KCNQ2: variants seen among roughly 807,000 people sequenced by gnomAD.
KCNQ2 encodes potassium voltage-gated channel subfamily KQT member 2.
In KCNQ2, 14 loss-of-function variants were observed where a neutral mutation model predicts 84.8. The observed-to-expected ratio is 0.17, with a 90% CI of 0.11 to 0.26. The LOEUF is 0.26. Among genes scored for constraint, KCNQ2 ranks in the 10% least tolerant of loss-of-function variants. The pLI is 1.00. For synonymous variants in KCNQ2, 599 were observed against 554.1 expected, an observed-to-expected ratio of 1.08 and a Z score of -1.14; for missense variants, 788 against 1,254.0, an observed-to-expected ratio of 0.63 and a Z score of 5.61.
chr20:63,449,347 T>A (rs559941211), intron 1 of KCNQ2: 16 of 152,420 alleles, frequency 1.0e-4, no homozygotes, highest in African/African-American at 3.8e-4. Context: ...GTGTCCCTGC[T>A]GCGAGCCCAC....
rs964108132 is a variant in KCNQ2, at chr20:63,425,712, T to C, written c.1218-1506A>G. Among the ~76,000 whole-genome samples the C allele has an allele frequency of 8.6e-5, 13 of 151,754 alleles. 1 individual carries two copies. Among genetic ancestry groups the C allele is most frequent in the African/African-American group, 3.1e-4 (13 of 41,332 alleles). On this transcript the variant is annotated intron_variant, in intron 10 of 16. Coordinates refer to ENST00000359125, the MANE Select transcript of KCNQ2 (RefSeq NM_172107.4). This position sits in a 1 kb window ranked among gnomAD's most constrained non-coding sequence, Gnocchi z 5.5. ...TCCAGCCTGAGTGACGCAGGGAGAC[T>C]CCGTCTCAGAGAAAAAAAAAAGAAA... is the stretch of plus-strand genomic sequence containing the variant.
At chr20:63,418,006 G>T (rs2080349368) in intron 12 of KCNQ2, among the ~76,000 whole-genome samples, 1 of 152,190 alleles carries the variant, frequency 6.6e-6, no homozygotes, top group African/African-American at 2.4e-5. Flanking sequence ...GGCTCTGCCA[G>T]GAAGAGGAGG....
At chr20:63,418,774 G>A (rs954546995) in intron 12 of KCNQ2, among the ~76,000 whole-genome samples, 4 of 152,232 alleles carry the variant, frequency 2.6e-5, no homozygotes, top group Non-Finnish European at 4.4e-5. Context: ...CACACAAGCA[G>A]CAAAGTCACA....
At chr20:63,417,958 G>A (rs1195431334) in intron 12 of KCNQ2, among the ~76,000 whole-genome samples, 1 of 152,112 alleles carries the variant, frequency 6.6e-6, no homozygotes, top group Non-Finnish European at 1.5e-5. Context: ...TGCTGTCCCG[G>A]GTCTCGGGCT....
intron 11 of KCNQ2, among the ~76,000 whole-genome samples, chr20:63,420,606 G>A (rs764249526): frequency 3.9e-5 from 6 of 152,222 alleles, no homozygotes; most frequent in South Asian, 2.1e-4. Flanking sequence ...CTGCGCACAC[G>A]TGTGTTTAGA....
chr20:63,424,642 A>C, intron 10 of KCNQ2: 1 of 188,002 alleles, frequency 5.3e-6, no homozygotes, highest in East Asian at 1.4e-4. Flanking sequence ...GCTCATCCTA[A>C]TGGAATGATT....
In KCNQ2 at chr20:63,400,747, G is replaced by A. The variant is rs1366253973; in HGVS notation, c.*5897C>T. ...GTGGGCCGTGTGGATCCCGGGCAGAGGGATGGCGTCCAGCGGGACCACCAG... is the reference window on the plus strand; with the variant it reads ...GTGGGCCGTGTGGATCCCGGGCAGAAGGATGGCGTCCAGCGGGACCACCAG... On this transcript the variant is annotated 3_prime_UTR_variant, in exon 17 of 17. Transcript: ENST00000359125. The surrounding 1 kb of genome is among the most constrained non-coding windows in gnomAD (Gnocchi z 8.7). 2 of 398,366 alleles carry A rather than the reference G, an allele frequency of 5.0e-6. No homozygotes were observed. Among genetic ancestry groups the A allele is most frequent in the Non-Finnish European group, 8.9e-6 (2 of 225,974 alleles). 24.7% of individuals were successfully genotyped at this position (398,366 alleles called of 1,614,324 possible).
Position 63,438,643 on chromosome 20 carries a change from C to A in KCNQ2, c.1005G>T (p.Pro335=), listed in dbSNP as rs760143489. Residue 335 remains proline, a synonymous_variant, in exon 7 of 17, where the codon CCG becomes CCT. Transcript: ENST00000359125. The surrounding 1 kb of genome is among the most constrained non-coding windows in gnomAD (Gnocchi z 5.1). The part of the protein sequence containing the change: ...RQKHFEKRRN[P]AAGLIQSAWR... ...GACTCACCTGGATCAGGCCTGCTGC[C>A]GGGTTCCGCCTCTTCTCAAAGTGCT... 6.2e-7 allele frequency: 1 copy of A among 1,613,742 alleles called. No homozygotes were observed. The highest frequency in any genetic ancestry group is 1.7e-5 in the Admixed American group (1 of 60,016).
At chr20:63,421,913 C>T (rs922056879) in intron 11 of KCNQ2, among the ~76,000 whole-genome samples, 2 of 152,190 alleles carry the variant, frequency 1.3e-5, no homozygotes, top group Non-Finnish European at 2.9e-5. Flanking sequence ...CTGACTCCAG[C>T]ACAGCCCCAG....
intron 1 of KCNQ2, chr20:63,461,172 C>G (rs964583440): frequency 1.3e-5 from 2 of 152,318 alleles, no homozygotes; most frequent in Non-Finnish European, 2.9e-5. Context: ...ATTTAAGAAA[C>G]GAGGGCGGCA....
At position 63,403,121 on chromosome 20, in the gene KCNQ2, C is replaced by T. The variant is rs766557256; in HGVS notation, c.*3523G>A. 1 of 152,338 alleles carries T rather than the reference C, an allele frequency of 6.6e-6. No homozygotes were observed. Among genetic ancestry groups the T allele is most frequent in the Non-Finnish European group, 1.5e-5 (1 of 68,140 alleles). 9.4% of individuals were successfully genotyped at this position (152,338 alleles called of 1,614,324 possible). A position where few individuals can be genotyped will look rare whatever the true frequency, so the allele number is the denominator to read the frequency against. ...TACAGACACCGGGGCACCTTGGCATCTGGTAGAGCCCCTCCTCTGGATGGC... is the reference window on the plus strand; with the variant it reads ...TACAGACACCGGGGCACCTTGGCATTTGGTAGAGCCCCTCCTCTGGATGGC... On this transcript the variant is annotated 3_prime_UTR_variant, in exon 17 of 17. Coordinates refer to ENST00000359125, the MANE Select transcript of KCNQ2 (RefSeq NM_172107.4).
chr20:63,466,542 C>T (rs1231207618), intron 1 of KCNQ2: 3 of 152,272 alleles, frequency 2.0e-5, no homozygotes, highest in Admixed American at 2.0e-4. Context: ...TTCCACTCTG[C>T]TGAAGGAGCC....
chr20:63,422,027 C>T (rs970603034), intron 11 of KCNQ2, among the ~76,000 whole-genome samples: 1 of 152,134 alleles, frequency 6.6e-6, no homozygotes, highest in Admixed American at 6.5e-5. Flanking sequence ...GAGTGAGGGT[C>T]CCTGTGTCCA....
chr20:63,441,884 G>A (rs1416382601), intron 5 of KCNQ2, among the ~76,000 whole-genome samples: 8 of 152,244 alleles, frequency 5.3e-5, no homozygotes. Flanking sequence ...TAGGCCCGGG[G>A]TCTGGTCTCA....
At chr20:63,452,712 G>A (rs989447002) in intron 1 of KCNQ2, among the ~76,000 whole-genome samples, 1 of 152,202 alleles carries the variant, frequency 6.6e-6, no homozygotes, top group Non-Finnish European at 1.5e-5. Flanking sequence ...GGACAGTGGT[G>A]GGGAGAGCCA....
intron 7 of KCNQ2, among the ~76,000 whole-genome samples, chr20:63,435,550 G>A (rs2080969122): frequency 6.6e-6 from 1 of 152,212 alleles, no homozygotes; most frequent in Non-Finnish European, 1.5e-5. Flanking sequence ...GCAGACAGCA[G>A]GGTAAGGTCA....
chr20:63,411,885 G>A (rs1355339673), intron 15 of KCNQ2: 1 of 714,068 alleles, frequency 1.4e-6, no homozygotes, highest in Admixed American at 2.0e-5. Flanking sequence ...TATCTATCCT[G>A]GCAGAGTAAA....
rs2082242726 is a variant in KCNQ2, at chr20:63,472,491, G to C, written c.-28C>G. ...TGCCTGGCGGGAGGCGCCCCGGGTC[G>C]GGCTCAGGCTCAGCGGGGGCGGAGC... On this transcript the variant is annotated 5_prime_UTR_variant, in exon 1 of 17. Coordinates refer to ENST00000359125, the MANE Select transcript of KCNQ2 (RefSeq NM_172107.4). 2 of 1,458,888 alleles carry C rather than the reference G, an allele frequency of 1.4e-6. No individual in the cohort carries two copies. Among genetic ancestry groups the C allele is most frequent in the Non-Finnish European group, 1.8e-6 (2 of 1,109,026 alleles). The allele number at this position is 1,458,888 out of a possible 1,614,324, so 90.4% of individuals were successfully genotyped here.
chr20:63,443,421 CCATCATCACCATCACCAT>C (rs2081313248), intron 4 of KCNQ2, among the ~76,000 whole-genome samples: 1 of 34,080 alleles, frequency 2.9e-5, no homozygotes, highest in Non-Finnish European at 8.4e-5. Flanking sequence ...ACCATCACCA[CCATCATCACCATCACCAT>C]CACCACCACC....
Sources: allele counts gnomAD v4.1 joint callset (sites outside exome capture counted in the v4.1 genomes callset), GRCh38; gene constraint gnomAD v4.1.1; non-coding constraint Gnocchi (gnomAD v3.1); transcripts MANE v1.5; gene names NCBI Gene and HGNC (gene_info 2026-07-23, HGNC 2026-07-21).